The following SLC26A9 variants were observed in gnomAD, a reference collection of about 807,000 sequenced individuals.
The protein encoded by SLC26A9 is anion transporter/exchanger protein 9.
In SLC26A9, 46 loss-of-function variants were observed where a neutral mutation model predicts 87.1. The ratio of observed to expected loss-of-function variants is 0.53; its 90% CI spans 0.42 to 0.67. The LOEUF is 0.67. Ranked by LOEUF, SLC26A9 falls within the 30% of genes least tolerant of loss-of-function variation. The pLI, the probability that SLC26A9 is intolerant of heterozygous loss-of-function variation, is 0.00. For missense variants in SLC26A9, 927 were observed against 1,018.3 expected (o/e 0.91, Z 1.22); for synonymous variants, 437 against 409.1 (o/e 1.07, Z -0.82).
intron 2 of SLC26A9, 113 bp from the exon 3 acceptor site, chr1:205,933,197 C>T: frequency 6.9e-7 from 1 of 1,452,642 alleles, no homozygotes; most frequent in East Asian, 2.3e-5. Context: ...TCAAAATTCA[C>T]TGAACTGTGT....
intron 1 of SLC26A9, among the ~76,000 whole-genome samples, chr1:205,938,768 C>T (rs1056983410): frequency 9.9e-5 from 15 of 152,182 alleles, no homozygotes; most frequent in Non-Finnish European, 1.8e-4. Context: ...CTTTCCTGAC[C>T]ACCTTGAAAC....
intron 16 of SLC26A9, 151 bp downstream of exon 16, chr1:205,922,931 G>T: frequency 2.9e-6 from 2 of 681,954 alleles, no homozygotes. Context: ...GAAGAAAAAT[G>T]CCCAGCGGCC....
At chr1:205,920,514 CTTT>C (rs760325267) in intron 17 of SLC26A9, among the ~76,000 whole-genome samples, 1 of 151,250 alleles carries the variant, frequency 6.6e-6, no homozygotes, top group Non-Finnish European at 1.5e-5. Context: ...CTTTTTTTTT[CTTT>C]TGAGATGGAG....
intron 5 of SLC26A9, among the ~76,000 whole-genome samples, chr1:205,931,530 G>A (rs1014900779): frequency 6.2e-4 from 89 of 143,600 alleles, no homozygotes; most frequent in South Asian, 6.6e-4. Context: ...GCAGTGGCGC[G>A]ATCTCGGCTC....
At position 205,918,859 on chromosome 1, in the gene SLC26A9, G is replaced by A. The variant is rs1200348101; in HGVS notation, c.2237C>T (p.Pro746Leu). 2 of 1,613,822 alleles carry A rather than the reference G, an allele frequency of 1.2e-6. No homozygotes were observed. The highest frequency in any genetic ancestry group is 2.7e-5 in the African/African-American group (2 of 74,930). ...CCTTACCCCTTGGAAGTTGTGTCCTGGGGTCACGTCTCTAGCATTTGCCTG... is the reference window on the plus strand; with the variant it reads ...CCTTACCCCTTGGAAGTTGTGTCCTAGGGTCACGTCTCTAGCATTTGCCTG... ...FAQANARDVT[P>L]GHNFQGAPGD... The change falls in exon 19 of 21, where the codon CCA becomes CTA. Residue 746 changes from proline to leucine, a missense_variant. Pro to Leu is a moderately conservative substitution (Grantham distance 98). Coordinates refer to ENST00000367135, the MANE Select transcript of SLC26A9 (RefSeq NM_052934.4).
Position 205,923,317 on chromosome 1 carries a change from C to T in SLC26A9, c.1659+18G>A, listed in dbSNP as rs781507450. 4.3e-6 allele frequency: 7 copies of T among 1,613,760 alleles called. No individual in the cohort carries two copies. The African/African-American group carries it at 8.0e-5, about 18-fold the overall frequency. ...ACTCTCTGTCCAGAGCCTCTGGTCG[C>T]CAGGGACTGAGCCTTACCTTGGCGA... On this transcript the variant is annotated intron_variant, in intron 15 of 20. Transcript: ENST00000367135.
chr1:205,941,159 T>C (rs1352688681), intron 1 of SLC26A9, among the ~76,000 whole-genome samples: 1 of 151,968 alleles, frequency 6.6e-6, no homozygotes, highest in Non-Finnish European at 1.5e-5. Flanking sequence ...TTTTGTTTGT[T>C]TGTTTTGTTT....
At chr1:205,927,384 C>G in intron 10 of SLC26A9, 96 bp from the exon 11 acceptor site, 1 of 1,559,550 alleles carries the variant, frequency 6.4e-7, no homozygotes. Flanking sequence ...GAGACTAAGA[C>G]GGGAAGAAGG....
intron 8 of SLC26A9, 118 bp downstream of exon 8, chr1:205,928,709 A>C: frequency 1.1e-6 from 1 of 882,644 alleles, no homozygotes; most frequent in Non-Finnish European, 1.8e-6. Flanking sequence ...ATACATGGTC[A>C]GTGTCATACA....
At position 205,929,228 on chromosome 1, in the gene SLC26A9, G is replaced by A. The variant is rs1197512904; in HGVS notation, c.846C>T (p.Phe282=). 6.2e-7 allele frequency: 1 copy of A among 1,614,188 alleles called. No homozygotes were observed. Among genetic ancestry groups the A allele is most frequent in the Non-Finnish European group, 8.5e-7 (1 of 1,180,040 alleles). Residue 282 remains phenylalanine (F), a synonymous_variant, in exon 7 of 21, where the codon TTC becomes TTT. Transcript: ENST00000367135. The part of the protein sequence containing the change: ...LNARYMHKIR[F]PIPTEMIVVV... ...CCACAATCATCTCTGTAGGGATGGG[G>A]AAGCGAATCTTGTGCATGTAGCGAG...
Position 205,927,900 on chromosome 1 carries a change from A to C in SLC26A9, c.1101+2T>G. 1 of 1,613,756 alleles carries C rather than the reference A, an allele frequency of 6.2e-7. No individual in the cohort carries two copies. On this transcript the variant is annotated splice_donor_variant, in intron 9 of 20. Coordinates refer to ENST00000367135, the MANE Select transcript of SLC26A9 (RefSeq NM_052934.4). LOFTEE classifies it high-confidence loss of function. ...AGTCCTGCCGGGGGTGGCCAGAGCTACCTGGTTCGAATCCACGTCGTAGCC... is the reference window on the plus strand; with the variant it reads ...AGTCCTGCCGGGGGTGGCCAGAGCTCCCTGGTTCGAATCCACGTCGTAGCC...
intron 18 of SLC26A9, among the ~76,000 whole-genome samples, chr1:205,919,924 G>A (rs145957646): frequency 6.6e-6 from 1 of 152,242 alleles, no homozygotes; most frequent in East Asian, 1.9e-4. Flanking sequence ...GGGTAGATTA[G>A]AATCCTAGCT....
rs1187012102 is a variant in SLC26A9, at chr1:205,931,892, C to T, written c.520G>A (p.Ala174Thr). The change falls in exon 5 of 21, where the codon GCT becomes ACT. Residue 174 changes from alanine to threonine, a missense_variant. By Grantham distance (58) the Ala-to-Thr change is moderately conservative (BLOSUM62 0). Transcript: ENST00000367135. ...AMEAERLHVSATLACLTAIIQ... is the reference protein window; with the variant it reads ...AMEAERLHVSTTLACLTAIIQ... ...ATGGCGGTGAGGCAGGCTAGCGTAG[C>T]TGACACGTGCAGCCTCTCAGCCTCC... 2.5e-6 allele frequency: 4 copies of T among 1,613,868 alleles called. No homozygotes were observed. The highest frequency in any genetic ancestry group is 2.5e-6 in the Non-Finnish European group (3 of 1,179,978).
intron 2 of SLC26A9, 106 bp from the exon 3 acceptor site, chr1:205,933,190 A>G: frequency 1.4e-6 from 2 of 1,476,062 alleles, no homozygotes; most frequent in Non-Finnish European, 9.3e-7. Flanking sequence ...GGTTCATTCA[A>G]AATTCACTGA....
At position 205,935,880 on chromosome 1, in the gene SLC26A9, T is replaced by C. The variant is rs924249565; in HGVS notation, c.-18-42A>G. 10 of 1,570,860 alleles carry C rather than the reference T, an allele frequency of 6.4e-6. No individual in the cohort carries two copies. In the African/African-American group the frequency reaches 1.4e-4, roughly 21 times the overall value. On this transcript the variant is annotated intron_variant, in intron 1 of 20. Transcript: ENST00000367135. ...GGAGGGGAGGGTGAGGGAACATCCC[T>C]CCCTAGTGCCAGCCCAGGCCTTCTC... is the stretch of plus-strand genomic sequence containing the variant.
Position 205,915,332 on chromosome 1 carries a change from G to A in SLC26A9, c.*25C>T. The A allele has an allele frequency of 3.7e-6, 6 of 1,614,062 alleles. No individual in the cohort carries two copies. Among genetic ancestry groups the A allele is most frequent in the Non-Finnish European group, 5.1e-6 (6 of 1,179,974 alleles). ...AGTCCCAAGTGCCAGGCACTCTGTAGGCAGCATGAGGACTGGCTGAGCCCT... is the reference window on the plus strand; with the variant it reads ...AGTCCCAAGTGCCAGGCACTCTGTAAGCAGCATGAGGACTGGCTGAGCCCT... On this transcript the variant is annotated 3_prime_UTR_variant, in exon 21 of 21. Coordinates refer to ENST00000367135, the MANE Select transcript of SLC26A9 (RefSeq NM_052934.4).
chr1:205,941,255 A>G (rs1659731728), intron 1 of SLC26A9, among the ~76,000 whole-genome samples: 1 of 152,000 alleles, frequency 6.6e-6, no homozygotes, highest in African/African-American at 2.4e-5. Flanking sequence ...CACAGGGTGC[A>G]CTTCCTGGGT....
intron 18 of SLC26A9, 22 bp downstream of exon 18, chr1:205,920,154 C>A (rs747723472): frequency 6.2e-7 from 1 of 1,613,558 alleles, no homozygotes; most frequent in Non-Finnish European, 8.5e-7. Flanking sequence ...CTTTCAGTCC[C>A]TAAATGTCCT....
chr1:205,936,825 G>T (rs1388503979), intron 1 of SLC26A9, among the ~76,000 whole-genome samples: 2 of 152,196 alleles, frequency 1.3e-5, no homozygotes, highest in Admixed American at 1.3e-4. Context: ...CTACTTGGGG[G>T]CTAGAGATGC....
Sources: gnomAD v4.1 joint callset for allele counts (sites outside exome capture counted in the v4.1 genomes callset) on GRCh38, gnomAD v4.1.1 for gene constraint, MANE v1.5 for transcripts, NCBI Gene and HGNC (gene_info 2026-07-23, HGNC 2026-07-21) for gene names.